The following INVS variants were observed in gnomAD, a reference collection of about 807,000 sequenced individuals.
The protein encoded by INVS is inversion of embryo turning homolog.
INVS carries 86 observed loss-of-function variants against 108.8 expected under a neutral mutation model. That is an observed-to-expected ratio of 0.79 (90% CI 0.66 to 0.95). INVS has a LOEUF of 0.95. Among genes scored for constraint, INVS ranks in the 40% least tolerant of loss-of-function variants. The pLI is 0.00. For synonymous variants in INVS, 455 were observed against 473.5 expected (o/e 0.96, Z 0.51); for missense variants, 1,169 against 1,297.4 (o/e 0.90, Z 1.52).
chr9:100,198,859 G>A (rs1830461820), intron 3 of INVS, among the ~76,000 whole-genome samples: 1 of 152,048 alleles, frequency 6.6e-6, no homozygotes, highest in African/African-American at 2.4e-5. Flanking sequence ...CCAAAGTGCT[G>A]GGATTACAGG....
At chr9:100,299,292 C>T (rs1402786582) in intron 16 of INVS, among the ~76,000 whole-genome samples, 2 of 152,178 alleles carry the variant, frequency 1.3e-5, no homozygotes, top group Non-Finnish European at 2.9e-5. Context: ...AGCCCACCCA[C>T]ATTAAGCATT....
intron 3 of INVS, among the ~76,000 whole-genome samples, chr9:100,165,960 T>C (rs1182359720): frequency 6.6e-6 from 1 of 152,188 alleles, no homozygotes; most frequent in African/African-American, 2.4e-5. Context: ...TTGGTGATTG[T>C]TTCTAGGCTT....
At chr9:100,290,068 T>C (rs1402209657) in intron 13 of INVS, among the ~76,000 whole-genome samples, 1 of 150,672 alleles carries the variant, frequency 6.6e-6, no homozygotes, top group East Asian at 1.9e-4. Context: ...AGGTGTGTAG[T>C]GGTATCTTGT....
intron 13 of INVS, among the ~76,000 whole-genome samples, chr9:100,288,475 T>C (rs1833512702): frequency 1.3e-5 from 2 of 152,188 alleles, no homozygotes; most frequent in Non-Finnish European, 2.9e-5. Flanking sequence ...CCATTATTTT[T>C]CAAACAAGCT....
chr9:100,124,117 G>A (rs1470724211), intron 2 of INVS, among the ~76,000 whole-genome samples: 1 of 151,286 alleles, frequency 6.6e-6, no homozygotes, highest in African/African-American at 2.4e-5. Flanking sequence ...TCTATGTTGT[G>A]TTTTTAAATA....
At chr9:100,293,088 A>C in intron 14 of INVS, 45 bp downstream of exon 14, 1 of 1,537,272 alleles carries the variant, frequency 6.5e-7, no homozygotes. Flanking sequence ...TTTGTTACTG[A>C]TATTCTCAAC....
chr9:100,254,205 A>G (rs944825098), intron 10 of INVS, among the ~76,000 whole-genome samples: 4 of 152,148 alleles, frequency 2.6e-5, no homozygotes, highest in Admixed American at 6.5e-5. Flanking sequence ...TTGGCTGTAT[A>G]AATGTCTTCT....
At chr9:100,129,890 A>G (rs1828007572) in intron 3 of INVS, 2 of 453,136 alleles carry the variant, frequency 4.4e-6, no homozygotes, top group Non-Finnish European at 8.1e-6. Context: ...CTGGAACTTG[A>G]AAGTCAAAAT....
chr9:100,268,982 T>C (rs1832870408), intron 11 of INVS, among the ~76,000 whole-genome samples: 1 of 152,206 alleles, frequency 6.6e-6, no homozygotes, highest in Non-Finnish European at 1.5e-5. Context: ...CCTGCTTATA[T>C]ATTATGTGAA....
At chr9:100,102,356 A>G (rs753558518) in intron 1 of INVS, among the ~76,000 whole-genome samples, 1 of 152,142 alleles carries the variant, frequency 6.6e-6, no homozygotes, top group African/African-American at 2.4e-5. Context: ...GGTTCTTACA[A>G]GCTCCATGAG....
chr9:100,188,463 T>C (rs904129030), intron 3 of INVS, among the ~76,000 whole-genome samples: 2 of 152,170 alleles, frequency 1.3e-5, no homozygotes, highest in African/African-American at 4.8e-5. Context: ...TTTAATTCCA[T>C]TTATGTGATG....
chr9:100,203,084 T>C (rs1310772932), intron 3 of INVS, among the ~76,000 whole-genome samples: 1 of 152,202 alleles, frequency 6.6e-6, no homozygotes, highest in Non-Finnish European at 1.5e-5. Flanking sequence ...GCAAATTATA[T>C]CTCCTAAGGT....
At chr9:100,208,645 A>G (rs750767924) in intron 3 of INVS, among the ~76,000 whole-genome samples, 3 of 152,232 alleles carry the variant, frequency 2.0e-5, no homozygotes, top group African/African-American at 7.2e-5. Context: ...GATGGAGCCT[A>G]CAAGACTTGG....
At position 100,126,516 on chromosome 9, in the gene INVS, C is replaced by G. The variant is rs977866096; in HGVS notation, c.240C>G (p.Ser80Arg). Reference protein sequence around the residue: ...AGADVNKTDHSQRTALHLAAQ... With the variant: ...AGADVNKTDHRQRTALHLAAQ... ...CAGATGTGAATAAAACTGACCATAG[C>G]CAGAGAACAGCCCTCCATCTTGCAG... The change falls in exon 3 of 17, where the codon AGC becomes AGG. Residue 80 changes from serine to arginine, a missense_variant. Around this residue, in one of 3 missense-constraint regions of INVS, gnomAD observed 365 missense variants for 397.5 expected, o/e 0.92. Transcript: ENST00000262457. 6.2e-7 allele frequency: 1 copy of G among 1,614,116 alleles called. No homozygotes were observed. The highest frequency in any genetic ancestry group is 8.5e-7 in the Non-Finnish European group (1 of 1,180,010).
chr9:100,298,819 T>C (rs1564196206), intron 16 of INVS, among the ~76,000 whole-genome samples: 1 of 150,974 alleles, frequency 6.6e-6, no homozygotes, highest in Non-Finnish European at 1.5e-5. Context: ...GATCAGGGAG[T>C]GGTGGGTGGG....
rs761724222 is a variant in INVS, at chr9:100,298,031, C to G, written c.3091+21C>G. On this transcript the variant is annotated intron_variant, in intron 16 of 16. Transcript: ENST00000262457. ...CTCAGGTAAGGCAGCCACTGCAAAG[C>G]AGATGGTGGGGAAGAACATGGGGAA... 28 of 1,614,014 alleles carry G rather than the reference C, an allele frequency of 1.7e-5. No homozygotes were observed. The South Asian group carries it at 3.1e-4, about 18-fold the overall frequency.
intron 2 of INVS, among the ~76,000 whole-genome samples, chr9:100,114,692 C>T (rs1164037619): frequency 6.6e-6 from 1 of 152,156 alleles, no homozygotes; most frequent in Non-Finnish European, 1.5e-5. Context: ...GGGCGTGAGC[C>T]ACTGTGCCTG....
intron 10 of INVS, among the ~76,000 whole-genome samples, chr9:100,260,491 A>G (rs943599510): frequency 6.6e-6 from 1 of 152,104 alleles, no homozygotes; most frequent in African/African-American, 2.4e-5. Flanking sequence ...GTGCCTGCCT[A>G]TTACATGATT....
intron 3 of INVS, among the ~76,000 whole-genome samples, chr9:100,183,361 G>A (rs1254359374): frequency 6.6e-6 from 1 of 152,172 alleles, no homozygotes; most frequent in African/African-American, 2.4e-5. Context: ...CATGCAGACA[G>A]TAAAATAATC....
Sources: allele counts gnomAD v4.1 joint callset (sites outside exome capture counted in the v4.1 genomes callset), GRCh38; gene constraint gnomAD v4.1.1; regional missense constraint gnomAD v4.1.1; transcripts MANE v1.5; gene names NCBI Gene and HGNC (gene_info 2026-07-23, HGNC 2026-07-21).